Variants in C5orf46 observed in about 807,000 individuals in gnomAD.
C5orf46 encodes chromosome 5 open reading frame 46.
A neutral mutation model predicts 8.9 loss-of-function variants in C5orf46; 9 were observed. The ratio of observed to expected loss-of-function variants is 1.01; its 90% confidence interval spans 0.61 to 1.76. C5orf46 has a LOEUF of 1.76. C5orf46 is among the 40% of genes most tolerant of loss of function. C5orf46 has a pLI of 0.00. For missense variants in C5orf46, 98 were observed against 107.8 expected (o/e 0.91, Z 0.40); for synonymous variants, 47 against 41.4 (o/e 1.14, Z -0.52).
chr5:147,902,496 C>T (rs930121525), intron 1 of C5orf46, among the ~76,000 whole-genome samples: 6 of 152,056 alleles, frequency 3.9e-5, no homozygotes, highest in East Asian at 1.9e-4. Context: ...CAATGGGTAA[C>T]ATTTGTTGAA....
At chr5:147,886,706 T>C (rs1380158754) in intron 2 of C5orf46, 2 of 151,132 alleles carry the variant, frequency 1.3e-5, no homozygotes, top group Admixed American at 6.6e-5. Context: ...TAAATTGTTA[T>C]CTATGTGAAT....
intron 3 of C5orf46, 144 bp downstream of exon 3, chr5:147,896,840 A>G (rs1370097739): frequency 1.6e-5 from 7 of 430,312 alleles, no homozygotes; most frequent in African/African-American, 4.1e-5. Flanking sequence ...TGAAAAAAAT[A>G]TATTCATTTA....
chr5:147,895,456 A>G (rs1341764691), intron 3 of C5orf46, among the ~76,000 whole-genome samples: 1 of 152,182 alleles, frequency 6.6e-6, no homozygotes, highest in Non-Finnish European at 1.5e-5. Flanking sequence ...AAGATTCCCT[A>G]TGTTTTAAAA....
downstream of C5orf46, among the ~76,000 whole-genome samples, chr5:147,891,747 GTAA>G (rs1757505597): frequency 6.6e-6 from 1 of 152,202 alleles, no homozygotes; most frequent in African/African-American, 2.4e-5. Context: ...GACATTCTAA[GTAA>G]TTTAGTTAAG....
chr5:147,904,040 G>A (rs1757712584), intron 1 of C5orf46, among the ~76,000 whole-genome samples: 1 of 151,952 alleles, frequency 6.6e-6, no homozygotes, highest in Non-Finnish European at 1.5e-5. Context: ...GAGCCATCCT[G>A]CCTGGCCTGA....
chr5:147,895,195 G>A (rs1757562549), intron 3 of C5orf46, among the ~76,000 whole-genome samples: 1 of 152,070 alleles, frequency 6.6e-6, no homozygotes, highest in African/African-American at 2.4e-5. Context: ...GGCTGAGGTG[G>A]GCATCCAAGT....
downstream of C5orf46, among the ~76,000 whole-genome samples, chr5:147,889,633 A>G (rs1243541463): frequency 1.3e-5 from 2 of 152,184 alleles, no homozygotes; most frequent in Non-Finnish European, 2.9e-5. Context: ...CTGCACATGT[A>G]TCCCAGAACA....
At chr5:147,899,959 C>T (rs945689883) in intron 2 of C5orf46, among the ~76,000 whole-genome samples, 3 of 152,122 alleles carry the variant, frequency 2.0e-5, no homozygotes, top group Non-Finnish European at 4.4e-5. Flanking sequence ...GAGCCTAGAG[C>T]GGACAGCAAT....
intron 1 of C5orf46, among the ~76,000 whole-genome samples, chr5:147,905,821 A>T (rs893123621): frequency 6.6e-6 from 1 of 152,230 alleles, no homozygotes; most frequent in African/African-American, 2.4e-5. Context: ...CAAAAAGGAA[A>T]ATGATAAAAC....
At chr5:147,886,466 AATC>A (rs1305250847) in intron 2 of C5orf46, 6 of 110,550 alleles carry the variant, frequency 5.4e-5, no homozygotes, top group Non-Finnish European at 7.9e-5. Context: ...ATTATCATAT[AATC>A]ATATGGAATA....
chr5:147,897,932 A>G (rs1048492766), intron 2 of C5orf46, among the ~76,000 whole-genome samples: 1 of 152,184 alleles, frequency 6.6e-6, no homozygotes, highest in African/African-American at 2.4e-5. Context: ...TTGGGGCTTC[A>G]GGTTGCAGAG....
chr5:147,899,991 G>A (rs1195380254), intron 2 of C5orf46, among the ~76,000 whole-genome samples: 1 of 152,092 alleles, frequency 6.6e-6, no homozygotes, highest in Non-Finnish European at 1.5e-5. Flanking sequence ...TCAGAGAGTC[G>A]ACTCTTATGG....
At chr5:147,906,368 A>T (rs370356372) in intron 1 of C5orf46, 64 bp downstream of exon 1, 60 of 1,092,978 alleles carry the variant, frequency 5.5e-5, no homozygotes, top group East Asian at 2.5e-4. Context: ...AATCAGTGCC[A>T]TCAGCTTTCT....
At chr5:147,891,780 T>C (rs1757506049), downstream of C5orf46, among the ~76,000 whole-genome samples, 1 of 152,190 alleles carries the variant, frequency 6.6e-6, no homozygotes, top group African/African-American at 2.4e-5. Context: ...ATATTTGAAA[T>C]TGACACAATC....
intron 2 of C5orf46, among the ~76,000 whole-genome samples, chr5:147,900,456 G>A (rs370960732): frequency 6.6e-6 from 1 of 151,966 alleles, no homozygotes; most frequent in East Asian, 1.9e-4. Flanking sequence ...CACTTTCCCC[G>A]GGAAAATGCA....
chr5:147,903,113 TC>T (rs1757696842), intron 1 of C5orf46, among the ~76,000 whole-genome samples: 1 of 152,160 alleles, frequency 6.6e-6, no homozygotes, highest in Non-Finnish European at 1.5e-5. Flanking sequence ...TTGTCTTTAT[TC>T]CCAGGAGATG....
chr5:147,892,502 A>G (rs1470621765), downstream of C5orf46, among the ~76,000 whole-genome samples: 1 of 152,128 alleles, frequency 6.6e-6, no homozygotes, highest in African/African-American at 2.4e-5. Flanking sequence ...GCTTGTTTTG[A>G]GGTCAGGTTT....
intron 1 of C5orf46, among the ~76,000 whole-genome samples, chr5:147,904,334 C>T (rs567286186): frequency 2.0e-5 from 3 of 152,294 alleles, no homozygotes; most frequent in South Asian, 4.1e-4. Context: ...AATGACTCAC[C>T]TGAAATCACT....
intron 1 of C5orf46, among the ~76,000 whole-genome samples, chr5:147,902,823 A>G (rs533277232): frequency 3.9e-5 from 6 of 152,366 alleles, no homozygotes; most frequent in South Asian, 2.1e-4. Context: ...TATCCCTTGC[A>G]TATCACCTAG....
Sources: gnomAD v4.1 joint callset for allele counts (sites outside exome capture counted in the v4.1 genomes callset) on GRCh38, gnomAD v4.1.1 for gene constraint, MANE v1.5 for transcripts, NCBI Gene and HGNC (gene_info 2026-07-23, HGNC 2026-07-21) for gene names.